The following DSCAML1 variants were observed in gnomAD, a reference collection of about 807,000 sequenced individuals.
DSCAML1 encodes cell adhesion molecule DSCAML1.
A neutral mutation model predicts 200.5 loss-of-function variants in DSCAML1; 38 were observed. The ratio of observed to expected loss-of-function variants is 0.19; its 90% CI spans 0.15 to 0.25. The LOEUF (loss-of-function observed/expected upper bound fraction) is 0.25, where lower values mean the gene tolerates loss of function less well. DSCAML1 is among the 10% of genes least tolerant of loss of function. DSCAML1 has a pLI of 1.00. For synonymous variants in DSCAML1, 1,215 were observed against 1,165.0 expected, an observed-to-expected ratio of 1.04 and a Z score of -0.87; for missense variants, 2,223 against 2,858.8, an observed-to-expected ratio of 0.78 and a Z score of 5.07.
chr11:117,536,981 G>T (rs1038917291), intron 3 of DSCAML1, among the ~76,000 whole-genome samples: 1 of 152,054 alleles, frequency 6.6e-6, no homozygotes, highest in Non-Finnish European at 1.5e-5. Context: ...CCTTTGAAAT[G>T]GATACAATTA....
intron 3 of DSCAML1, among the ~76,000 whole-genome samples, chr11:117,690,140 C>T (rs1213234788): frequency 6.6e-6 from 1 of 152,224 alleles, no homozygotes; most frequent in Non-Finnish European, 1.5e-5. Flanking sequence ...GACAGAGCTG[C>T]TTCACTTCAT....
At chr11:117,601,324 A>G (rs1165556773) in intron 3 of DSCAML1, among the ~76,000 whole-genome samples, 1 of 152,132 alleles carries the variant, frequency 6.6e-6, no homozygotes, top group Non-Finnish European at 1.5e-5. Flanking sequence ...GCCTATCACA[A>G]AACCAGGGTT....
chr11:117,659,005 C>T (rs1181682759), intron 3 of DSCAML1, among the ~76,000 whole-genome samples: 1 of 152,134 alleles, frequency 6.6e-6, no homozygotes, highest in Non-Finnish European at 1.5e-5. Context: ...GGACTTGTAA[C>T]AGAGACACCT....
At chr11:117,440,046 T>A in intron 21 of DSCAML1, 110 bp from the exon 22 acceptor site, 7 of 918,618 alleles carry the variant, frequency 7.6e-6, no homozygotes, top group Non-Finnish European at 8.7e-6. Flanking sequence ...CTCCCCGATC[T>A]GACCTCCACC....
chr11:117,549,306 G>A (rs538699776), intron 3 of DSCAML1, among the ~76,000 whole-genome samples: 1 of 152,338 alleles, frequency 6.6e-6, no homozygotes, highest in East Asian at 1.9e-4. Flanking sequence ...TAAAGGCCCG[G>A]CGCATGTTGG....
chr11:117,652,761 C>G (rs1327058656), intron 3 of DSCAML1, among the ~76,000 whole-genome samples: 22 of 152,192 alleles, frequency 1.4e-4, no homozygotes, highest in Admixed American at 1.4e-3. Flanking sequence ...TTGGTAAGGG[C>G]TGTGGGAGGC....
intron 3 of DSCAML1, among the ~76,000 whole-genome samples, chr11:117,548,057 G>T (rs1277454932): frequency 6.6e-6 from 1 of 152,218 alleles, no homozygotes; most frequent in Non-Finnish European, 1.5e-5. Context: ...ACAAGGTGTG[G>T]ACTGAGACAT....
intron 3 of DSCAML1, among the ~76,000 whole-genome samples, chr11:117,616,292 A>T (rs2051810278): frequency 6.6e-6 from 1 of 152,172 alleles, no homozygotes; most frequent in Non-Finnish European, 1.5e-5. Flanking sequence ...GGAGAAAATG[A>T]TCCCACTGCT....
intron 3 of DSCAML1, among the ~76,000 whole-genome samples, chr11:117,639,392 A>G (rs28419378): frequency 5.8e-5 from 6 of 103,458 alleles, no homozygotes; most frequent in Admixed American, 4.8e-4. Context: ...GGCTGGATGG[A>G]TGGGAGGCTG....
intron 11 of DSCAML1, among the ~76,000 whole-genome samples, chr11:117,494,939 A>C (rs758480287): frequency 6.6e-6 from 1 of 152,194 alleles, no homozygotes; most frequent in Non-Finnish European, 1.5e-5. Flanking sequence ...TGGGCCTGCC[A>C]ATACCTTGAT....
intron 29 of DSCAML1, among the ~76,000 whole-genome samples, 153 bp from the exon 30 acceptor site, chr11:117,432,657 C>T (rs1458463758): frequency 6.6e-6 from 1 of 152,114 alleles, no homozygotes; most frequent in East Asian, 1.9e-4. Context: ...CACTCTGTTG[C>T]CCAGGCTTAA....
chr11:117,538,788 T>G (rs1482433414), intron 3 of DSCAML1, among the ~76,000 whole-genome samples: 1 of 17,630 alleles, frequency 5.7e-5, no homozygotes, highest in Non-Finnish European at 1.1e-4. Flanking sequence ...GGGAGTGTGG[T>G]GGGGAGAAGG....
intron 1 of DSCAML1, among the ~76,000 whole-genome samples, chr11:117,785,528 G>A (rs1215124002): frequency 6.6e-6 from 1 of 152,122 alleles, no homozygotes; most frequent in Non-Finnish European, 1.5e-5. Context: ...TGAGGAGTTT[G>A]GGCCTCAGCG....
Position 117,576,542 on chromosome 11 carries a change from G to A in DSCAML1, c.512-44020C>T, listed in dbSNP as rs77660374. ...ATGGATTTCAGTCCACAGAAATGAAGACAAGAATGAAGATACTGAGCTTGT... is the reference window on the plus strand; with the variant it reads ...ATGGATTTCAGTCCACAGAAATGAAAACAAGAATGAAGATACTGAGCTTGT... On this transcript the variant is annotated intron_variant, in intron 3 of 32. Transcript: ENST00000651296. 4.2e-3 allele frequency among the ~76,000 whole-genome samples: 633 copies of A among 152,336 alleles called. 2 individuals carry two copies. Among genetic ancestry groups the A allele is most frequent in the Non-Finnish European group, 6.9e-3 (472 of 68,032 alleles).
chr11:117,703,169 A>C (rs1308309678), intron 3 of DSCAML1, among the ~76,000 whole-genome samples: 1 of 152,070 alleles, frequency 6.6e-6, no homozygotes, highest in African/African-American at 2.4e-5. Context: ...CTGCCCAGCA[A>C]CTCCATTATG....
chr11:117,446,016 G>A (rs1416878604), intron 20 of DSCAML1, among the ~76,000 whole-genome samples: 1 of 152,126 alleles, frequency 6.6e-6, no homozygotes, highest in Non-Finnish European at 1.5e-5. Flanking sequence ...AATCATAAAT[G>A]GAAATGATTG....
chr11:117,710,779 G>A (rs1295472587), intron 3 of DSCAML1, among the ~76,000 whole-genome samples: 1 of 152,188 alleles, frequency 6.6e-6, no homozygotes, highest in African/African-American at 2.4e-5. Context: ...CCCAGCACTT[G>A]GATGGGCCCT....
chr11:117,663,035 G>A (rs1021930402), intron 3 of DSCAML1, among the ~76,000 whole-genome samples: 21 of 152,060 alleles, frequency 1.4e-4, no homozygotes, highest in Admixed American at 1.3e-4. Context: ...CTTGCCCCCC[G>A]GAGATGGGGA....
chr11:117,673,498 C>G (rs1193509190), intron 3 of DSCAML1, among the ~76,000 whole-genome samples: 4 of 152,302 alleles, frequency 2.6e-5, no homozygotes, highest in Admixed American at 2.6e-4. Context: ...CTGCTTTCCT[C>G]AAGAGTCTGG....
Sources: allele counts gnomAD v4.1 joint callset (sites outside exome capture counted in the v4.1 genomes callset), GRCh38; gene constraint gnomAD v4.1.1; transcripts MANE v1.5; gene names NCBI Gene and HGNC (gene_info 2026-07-23, HGNC 2026-07-21).